Variants in C1QTNF5 observed in about 807,000 individuals in gnomAD.
C1QTNF5 encodes complement C1q tumor necrosis factor-related protein 5.
In C1QTNF5, 5 loss-of-function variants were observed where a neutral mutation model predicts 10.9. The observed-to-expected ratio is 0.46, with a 90% confidence interval of 0.24 to 0.97. C1QTNF5 has a LOEUF of 0.97. C1QTNF5 is among the 50% of genes least tolerant of loss of function. The probability of loss-of-function intolerance (pLI) is 0.19; values close to 1 mark genes in which losing one functional copy is unlikely to be tolerated. For missense variants in C1QTNF5, 281 were observed against 339.4 expected, an observed-to-expected ratio of 0.83 and a Z score of 1.35; for synonymous variants, 161 against 156.5, an observed-to-expected ratio of 1.03 and a Z score of -0.22.
upstream of C1QTNF5, chr11:119,345,070 C>A: frequency 6.4e-7 from 1 of 1,561,470 alleles, no homozygotes; most frequent in Non-Finnish European, 8.7e-7. Context: ...AGGAGCTTGC[C>A]TGGGCCTTGC....
At chr11:119,346,617 T>C in the C1QTNF5 span, 2 of 1,198,140 alleles carry the variant, frequency 1.7e-6, no homozygotes, top group South Asian at 1.2e-5. Flanking sequence ...CAGCCTCTAC[T>C]ACCCGAGGGA....
chr11:119,346,382 G>C, the C1QTNF5 span: 13 of 1,613,738 alleles, frequency 8.1e-6, no homozygotes, highest in South Asian at 8.8e-5. Flanking sequence ...GGTCTGGAAG[G>C]GGGAGATACT....
At chr11:119,345,697 C>A (rs1174562276), upstream of C1QTNF5, 31 of 1,612,358 alleles carry the variant, frequency 1.9e-5, no homozygotes, top group Non-Finnish European at 2.5e-5. Flanking sequence ...CTCAAGGTGC[C>A]TCTTCCTCAC....
chr11:119,339,730 G>A lies in C1QTNF5; in HGVS notation c.333C>T (p.Ser111=), dbSNP rs573413003. ...PPRSAFSAKR[S]ESRVPPPSDA... is the part of the protein sequence containing the mutation. The stretch of plus-strand genomic sequence containing the variant: ...CAGACGGCGGAGGCACCCGGCTCTC[G>A]GAGCGCTTGGCGCTGAAGGCGGATC... The change falls in exon 3 of 3, where the codon TCC becomes TCT. Residue 111 remains serine, a synonymous_variant. Transcript: ENST00000528368. The surrounding 1 kb of genome is among the most constrained non-coding windows in gnomAD (Gnocchi z 5.4). 1 of 1,599,660 alleles carries A rather than the reference G, an allele frequency of 6.3e-7. No homozygotes were observed. The highest frequency in any genetic ancestry group is 8.5e-7 in the Non-Finnish European group (1 of 1,178,310).
At chr11:119,344,614 C>T, upstream of C1QTNF5, 1 of 1,613,944 alleles carries the variant, frequency 6.2e-7, no homozygotes, top group Non-Finnish European at 8.5e-7. Flanking sequence ...AGAGAGGACC[C>T]CCATGCCTGG....
upstream of C1QTNF5, chr11:119,344,700 G>C: frequency 6.2e-7 from 1 of 1,614,092 alleles, no homozygotes; most frequent in Non-Finnish European, 8.5e-7. Flanking sequence ...ATCACACACT[G>C]AGTCAGGTAG....
chr11:119,344,965 A>T (rs747233292), upstream of C1QTNF5: 2 of 1,609,214 alleles, frequency 1.2e-6, no homozygotes, highest in South Asian at 1.1e-5. Flanking sequence ...GGTGGCTGGC[A>T]TTGGTGTTGA....
upstream of C1QTNF5, chr11:119,345,742 T>C: frequency 6.2e-7 from 1 of 1,612,350 alleles, no homozygotes. Flanking sequence ...TCTTGGGCCC[T>C]TCTCCCGGAA....
At chr11:119,344,597 C>T (rs758656745), upstream of C1QTNF5, 62 of 1,613,512 alleles carry the variant, frequency 3.8e-5, no homozygotes, top group South Asian at 7.7e-5. Flanking sequence ...CCAGATCAGA[C>T]GCCTGAAGAG....
At chr11:119,346,239 G>A in the C1QTNF5 span, 5 of 1,579,818 alleles carry the variant, frequency 3.2e-6, no homozygotes, top group African/African-American at 4.0e-5. Flanking sequence ...GGGCCTCTCT[G>A]TCCTCCCCCA....
chr11:119,341,858 T>C (rs1438449517), upstream of C1QTNF5: 1 of 1,607,340 alleles, frequency 6.2e-7, no homozygotes, highest in Non-Finnish European at 8.5e-7. Context: ...CCAGAAGACC[T>C]TGTAACCGCT....
chr11:119,339,436 C>G lies in C1QTNF5; in HGVS notation c.627G>C (p.Val209=), dbSNP rs748636086. The G allele has an allele frequency of 1.4e-5, 23 of 1,613,938 alleles. No individual in the cohort carries two copies. The highest frequency in any genetic ancestry group is 1.8e-5 in the Non-Finnish European group (21 of 1,179,974). The change falls in exon 3 of 3, where the codon GTG becomes GTC. Residue 209 remains valine (V), a synonymous_variant. Coordinates refer to ENST00000528368, the MANE Select transcript of C1QTNF5 (RefSeq NM_001278431.2). The surrounding 1 kb of genome is among the most constrained non-coding windows in gnomAD (Gnocchi z 5.4). The part of the protein sequence containing the change: ...LEPEDQVWVQ[V]GVGDYIGIYA... ...AGATGCCAATGTAGTCACCCACACC[C>G]ACCTGCACCCACACTTGGTCCTCAG...
chr11:119,345,901 G>T (rs1399208418), upstream of C1QTNF5: 14 of 1,613,494 alleles, frequency 8.7e-6, no homozygotes, highest in Non-Finnish European at 1.2e-5. Context: ...GCTATGGGAC[G>T]CCCCAGATGG....
chr11:119,339,755 C>A lies in C1QTNF5; in HGVS notation c.308G>T (p.Arg103Leu). The A allele has an allele frequency of 6.3e-7, 1 of 1,590,376 alleles. No individual in the cohort carries two copies. The highest frequency in any genetic ancestry group is 8.5e-7 in the Non-Finnish European group (1 of 1,175,246). ...GPAGECSVPP[R>L]SAFSAKRSES... ...GGAGCGCTTGGCGCTGAAGGCGGAT[C>A]GCGGAGGCACCGAGCACTCCCCGGC... The change falls in exon 3 of 3, where the codon CGA becomes CTA. Residue 103 changes from arginine (R) to leucine (L), a missense_variant. By Grantham distance (102) the Arg-to-Leu change is moderately radical (BLOSUM62 -2). Coordinates refer to ENST00000528368, the MANE Select transcript of C1QTNF5 (RefSeq NM_001278431.2). The surrounding 1 kb of genome is among the most constrained non-coding windows in gnomAD (Gnocchi z 5.4).
In C1QTNF5 at chr11:119,340,523, C is replaced by T. The variant is rs532028753; in HGVS notation, c.-43-83G>A. ...CCACCCCGGCGCGGCCCAGTCGGTC[C>T]CCACCCCACTGCCGTGCCCCTGAGG... On this transcript the variant is annotated intron_variant, in intron 1 of 2. Coordinates refer to ENST00000528368, the MANE Select transcript of C1QTNF5 (RefSeq NM_001278431.2). 1.0e-3 allele frequency: 1,030 copies of T among 1,030,276 alleles called. 7 individuals are homozygous for T. Among genetic ancestry groups the T allele is most frequent in the South Asian group, 9.4e-3 (644 of 68,424 alleles). 63.8% of individuals were successfully genotyped at this position (1,030,276 alleles called of 1,614,324 possible). A position where few individuals can be genotyped will look rare whatever the true frequency, so the allele number is the denominator to read the frequency against.
the C1QTNF5 span, chr11:119,346,481 C>T: frequency 6.2e-7 from 1 of 1,614,140 alleles, no homozygotes; most frequent in Non-Finnish European, 8.5e-7. Flanking sequence ...CTGTTGCCTC[C>T]ATGCAGAGGA....
At chr11:119,341,824 C>T (rs1270196905), upstream of C1QTNF5, 4 of 1,611,468 alleles carry the variant, frequency 2.5e-6, no homozygotes, top group Non-Finnish European at 3.4e-6. Context: ...CCTCCCCTCC[C>T]AGGCCCGCCC....
chr11:119,342,617 C>T (rs369531002), upstream of C1QTNF5: 75 of 1,613,404 alleles, frequency 4.6e-5, no homozygotes, highest in East Asian at 7.6e-4. Flanking sequence ...AACAAGGGGC[C>T]GCTGCAGTTG....
chr11:119,339,909 C>A lies in C1QTNF5; in HGVS notation c.215-61G>T. 4.2e-6 allele frequency: 6 copies of A among 1,427,998 alleles called. No individual in the cohort carries two copies. Among genetic ancestry groups the A allele is most frequent in the African/African-American group, 1.5e-5 (1 of 68,308 alleles). 88.5% of individuals were successfully genotyped at this position (1,427,998 alleles called of 1,614,324 possible). A position where few individuals can be genotyped will look rare whatever the true frequency, so the allele number is the denominator to read the frequency against. ...GGCGGCTCAGCCCGCAGCGGGGCGG[C>A]GACTCTAAGGTCACCGTACCCCTCC... On this transcript the variant is annotated intron_variant, in intron 2 of 2. Coordinates refer to ENST00000528368, the MANE Select transcript of C1QTNF5 (RefSeq NM_001278431.2). This position sits in a 1 kb window ranked among gnomAD's most constrained non-coding sequence, Gnocchi z 5.4.
Sources: allele counts gnomAD v4.1 joint callset, GRCh38; gene constraint gnomAD v4.1.1; non-coding constraint Gnocchi (gnomAD v3.1); transcripts MANE v1.5; gene names NCBI Gene and HGNC (gene_info 2026-07-23, HGNC 2026-07-21).